The following RAB6B variants were observed in gnomAD, a reference collection of about 807,000 sequenced individuals.
RAB6B encodes RAB6B, member RAS oncogene family.
Under a neutral mutation model 31.2 loss-of-function variants are expected in RAB6B, and 7 were observed. That is an observed-to-expected ratio of 0.22 (90% CI 0.13 to 0.42). The LOEUF (loss-of-function observed/expected upper bound fraction) is 0.42. Ranked by LOEUF, RAB6B falls within the 10% of genes least tolerant of loss-of-function variation. The pLI is 1.00. For missense variants in RAB6B, 149 were observed against 280.6 expected, an observed-to-expected ratio of 0.53 and a Z score of 3.35; for synonymous variants, 105 against 104.9, an observed-to-expected ratio of 1.00 and a Z score of -0.01.
At chr3:133,836,036 C>T (rs1935729770) in intron 6 of RAB6B, among the ~76,000 whole-genome samples, 1 of 152,222 alleles carries the variant, frequency 6.6e-6, no homozygotes. Flanking sequence ...GGGCTCTGGG[C>T]TCATACCCTC....
chr3:133,852,255 G>T (rs542521723), intron 2 of RAB6B, among the ~76,000 whole-genome samples: 210 of 152,248 alleles, frequency 1.4e-3, no homozygotes, highest in African/African-American at 4.9e-3. Flanking sequence ...CACGGGCCTA[G>T]GCTGCTTTGT....
At position 133,838,602 on chromosome 3, in the gene RAB6B, C is replaced by T. The variant is rs181647970; in HGVS notation, c.402-343G>A. Reference sequence around the variant, plus strand: ...TGAAGAGATTCAAGCCAGGCAGTGCCACTCTGGGTGGTATTATCAGTCGCA... The same window carrying T: ...TGAAGAGATTCAAGCCAGGCAGTGCTACTCTGGGTGGTATTATCAGTCGCA... On this transcript the variant is annotated intron_variant, in intron 5 of 7. Coordinates refer to ENST00000285208, the MANE Select transcript of RAB6B (RefSeq NM_016577.4). 3.3e-5 allele frequency among the ~76,000 whole-genome samples: 5 copies of T among 152,290 alleles called. No individual in the cohort carries two copies. The East Asian group carries it at 9.7e-4, about 29-fold the overall frequency.
At chr3:133,834,677 CCTGGCCCTCCCCT>C (rs756559648) in intron 6 of RAB6B, 36 bp from the exon 7 acceptor site, 1 of 1,591,914 alleles carries the variant, frequency 6.3e-7, no homozygotes, top group Non-Finnish European at 8.6e-7. Context: ...GAACCCCAAC[CCTGGCCCTCCCCT>C]CTGCTCCTCA....
chr3:133,869,615 G>A (rs1300709079), intron 1 of RAB6B, among the ~76,000 whole-genome samples: 1 of 152,214 alleles, frequency 6.6e-6, no homozygotes, highest in Non-Finnish European at 1.5e-5. Flanking sequence ...CATTCCATCA[G>A]GGGGTGAATC....
chr3:133,845,834 A>G (rs1935902143), intron 2 of RAB6B, among the ~76,000 whole-genome samples: 1 of 152,198 alleles, frequency 6.6e-6, no homozygotes, highest in Non-Finnish European at 1.5e-5. Context: ...ATGTTGAATT[A>G]GTAGACAAAG....
intron 1 of RAB6B, among the ~76,000 whole-genome samples, chr3:133,887,780 T>G (rs1696279157): frequency 6.6e-6 from 1 of 152,016 alleles, no homozygotes; most frequent in Non-Finnish European, 1.5e-5. Flanking sequence ...TACCCCAGAG[T>G]AGGTGGGAAC....
rs1011059755 is a variant in RAB6B, at chr3:133,826,688, T to C, written c.*2100A>G. On this transcript the variant is annotated 3_prime_UTR_variant, in exon 8 of 8. Transcript: ENST00000285208. ...AGTACATAGAGAAATGGTGGAGATA[T>C]TCCCGTGGGCTATGTTTGCCTGTAG... The C allele has an allele frequency of 1.3e-5, 2 of 152,632 alleles. No homozygotes were observed. Among genetic ancestry groups the C allele is most frequent in the African/African-American group, 2.4e-5 (1 of 41,480 alleles). The allele number at this position is 152,632 out of a possible 1,614,324, so 9.5% of individuals were successfully genotyped here. A position where few individuals can be genotyped will look rare whatever the true frequency, so the allele number is the denominator to read the frequency against.
Position 133,838,255 on chromosome 3 carries a change from T to C in RAB6B, c.406A>G (p.Ile136Val), listed in dbSNP as rs767779820. ...NKTDLADKRQ[I>V]TIEEGEQRAK... Reference sequence around the variant, plus strand: ...CGCTGCTCCCCCTCCTCGATGGTTATCTGCCTAGAGATGAGGGGAAGGGGG... The same window carrying C: ...CGCTGCTCCCCCTCCTCGATGGTTACCTGCCTAGAGATGAGGGGAAGGGGG... Residue 136 changes from isoleucine (I) to valine (V), a missense_variant, in exon 6 of 8, where the codon ATA becomes GTA. This residue lies in a region of RAB6B where 75 missense variants were observed against 180.1 expected (regional missense o/e 0.42). Coordinates refer to ENST00000285208, the MANE Select transcript of RAB6B (RefSeq NM_016577.4). 13 of 1,613,730 alleles carry C rather than the reference T, an allele frequency of 8.1e-6. No homozygotes were observed. Among genetic ancestry groups the C allele is most frequent in the African/African-American group, 1.3e-5 (1 of 74,906 alleles).
intron 1 of RAB6B, among the ~76,000 whole-genome samples, chr3:133,893,563 T>C (rs1936666107): frequency 6.6e-6 from 1 of 152,208 alleles, no homozygotes; most frequent in African/African-American, 2.4e-5. Flanking sequence ...ACCAAACTCC[T>C]AGTCCTTTCT....
In RAB6B at chr3:133,826,100, C is replaced by T. The variant is rs1259736860; in HGVS notation, c.*2688G>A. ...AAAGAGGTCTGGCTGCCTTTCCACA[C>T]CCCAGGAAGGGAGGGGCGGAAACCG... On this transcript the variant is annotated 3_prime_UTR_variant, in exon 8 of 8. Transcript: ENST00000285208. 6.6e-6 allele frequency: 1 copy of T among 152,238 alleles called. No homozygotes were observed. The highest frequency in any genetic ancestry group is 2.4e-5 in the African/African-American group (1 of 41,456). 9.4% of individuals were successfully genotyped at this position (152,238 alleles called of 1,614,324 possible).
At chr3:133,868,998 G>A (rs1047256196) in intron 1 of RAB6B, among the ~76,000 whole-genome samples, 2 of 152,166 alleles carry the variant, frequency 1.3e-5, no homozygotes, top group African/African-American at 2.4e-5. Context: ...TTATGTAAAG[G>A]TCTGACAGTA....
chr3:133,829,074 C>G (rs1935617984), intron 7 of RAB6B, among the ~76,000 whole-genome samples: 1 of 152,198 alleles, frequency 6.6e-6, no homozygotes. Flanking sequence ...CCAAGCAAAG[C>G]CTGTCTTGCC....
chr3:133,825,920 C>G lies in RAB6B; in HGVS notation c.*2868G>C, dbSNP rs1935554940. 6.6e-6 allele frequency: 1 copy of G among 152,234 alleles called. No homozygotes were observed. Among genetic ancestry groups the G allele is most frequent in the Non-Finnish European group, 1.5e-5 (1 of 68,040 alleles). The allele number at this position is 152,234 out of a possible 1,614,324, so 9.4% of individuals were successfully genotyped here. A position where few individuals can be genotyped will look rare whatever the true frequency, so the allele number is the denominator to read the frequency against. On this transcript the variant is annotated 3_prime_UTR_variant, in exon 8 of 8. Coordinates refer to ENST00000285208, the MANE Select transcript of RAB6B (RefSeq NM_016577.4). ...CTGGATTCAGCAAAGATGCAATGCT[C>G]TTGCTGGGGTGCTGAGGCAATGCCA...
Position 133,828,108 on chromosome 3 carries a change from C to T in RAB6B, c.*680G>A, listed in dbSNP as rs576687348. 3.1e-6 allele frequency: 2 copies of T among 639,346 alleles called. No individual in the cohort carries two copies. Among genetic ancestry groups the T allele is most frequent in the South Asian group, 3.6e-5 (2 of 56,144 alleles). 39.6% of individuals were successfully genotyped at this position (639,346 alleles called of 1,614,324 possible). On this transcript the variant is annotated 3_prime_UTR_variant, in exon 8 of 8. Transcript: ENST00000285208. The stretch of plus-strand genomic sequence containing the variant: ...AAGAGAAGGAGAGGTGGGAGCAGTT[C>T]CTCTGGGGGCTGCTGCCGGGCTGCC...
intron 1 of RAB6B, chr3:133,885,416 G>T: frequency 1.4e-6 from 1 of 693,502 alleles, no homozygotes; most frequent in South Asian, 1.5e-5. Context: ...ACACACTAAT[G>T]ATCAGAGGAC....
rs1935600407 is a variant in RAB6B, at chr3:133,828,085, GAGA to G, written c.*700_*702del. ...CCCCCTTCAAGGCTTTTCAGGGAAA[GAGA>G]AGGAGAGGTGGGAGCAGTTCCTCTG... On this transcript the variant is annotated 3_prime_UTR_variant, in exon 8 of 8. Transcript: ENST00000285208. 1 of 670,886 alleles carries G rather than the reference GAGA, an allele frequency of 1.5e-6. No homozygotes were observed. The highest frequency in any genetic ancestry group is 2.7e-6 in the Non-Finnish European group (1 of 366,986). 41.6% of individuals were successfully genotyped at this position (670,886 alleles called of 1,614,324 possible).
chr3:133,878,276 A>C (rs1341273861), intron 1 of RAB6B, among the ~76,000 whole-genome samples: 1 of 152,238 alleles, frequency 6.6e-6, no homozygotes, highest in Admixed American at 6.5e-5. Flanking sequence ...AAAAAATCAT[A>C]AAAGTAGTCA....
Position 133,895,697 on chromosome 3 carries a change from G to C in RAB6B, c.-231C>G. 1 of 555,780 alleles carries C rather than the reference G, an allele frequency of 1.8e-6. No individual in the cohort carries two copies. 34.4% of individuals were successfully genotyped at this position (555,780 alleles called of 1,614,324 possible). On this transcript the variant is annotated 5_prime_UTR_variant, in exon 1 of 8. Transcript: ENST00000285208. Reference sequence around the variant, plus strand: ...GCGGAGGCGGAGGAAGGCTGGGGCTGGGCTGCTGCGGTCGGCACTGGCTGC... The same window carrying C: ...GCGGAGGCGGAGGAAGGCTGGGGCTCGGCTGCTGCGGTCGGCACTGGCTGC...
intron 1 of RAB6B, among the ~76,000 whole-genome samples, chr3:133,892,779 C>T (rs964605596): frequency 2.0e-5 from 3 of 152,180 alleles, no homozygotes; most frequent in Admixed American, 6.5e-5. Flanking sequence ...GAGCCAGGGC[C>T]AGCGTGAGGG....
Sources: gnomAD v4.1 joint callset for allele counts (sites outside exome capture counted in the v4.1 genomes callset) on GRCh38, gnomAD v4.1.1 for gene constraint, gnomAD v4.1.1 regional missense constraint, MANE v1.5 for transcripts, NCBI Gene and HGNC (gene_info 2026-07-23, HGNC 2026-07-21) for gene names.